Variants in SLC24A3 observed in about 807,000 individuals in gnomAD.
SLC24A3 encodes the protein solute carrier family 24 member 3.
SLC24A3 carries 28 observed loss-of-function variants against 75.8 expected under a neutral mutation model. The observed-to-expected ratio is 0.37, with a 90% confidence interval of 0.27 to 0.51. The LOEUF (loss-of-function observed/expected upper bound fraction) is 0.51, where lower values mean the gene tolerates loss of function less well. Among genes scored for constraint, SLC24A3 ranks in the 20% least tolerant of loss-of-function variants. SLC24A3 has a pLI of 0.94. For synonymous variants in SLC24A3, 372 were observed against 334.1 expected (o/e 1.11, Z -1.24); for missense variants, 663 against 847.8 (o/e 0.78, Z 2.71).
chr20:19,566,744 G>A (rs770346578), intron 3 of SLC24A3, among the ~76,000 whole-genome samples: 8 of 152,222 alleles, frequency 5.3e-5, no homozygotes, highest in Non-Finnish European at 1.0e-4. Flanking sequence ...GAGTGTGTGT[G>A]TGCTTGCCAG....
At chr20:19,388,754 C>A (rs1986316485) in intron 2 of SLC24A3, among the ~76,000 whole-genome samples, 1 of 152,228 alleles carries the variant, frequency 6.6e-6, no homozygotes, top group South Asian at 2.1e-4. Context: ...TTTTCACTTT[C>A]AGCCTATGCG....
intron 3 of SLC24A3, among the ~76,000 whole-genome samples, chr20:19,532,614 T>A (rs1031842695): frequency 6.6e-6 from 1 of 152,186 alleles, no homozygotes; most frequent in African/African-American, 2.4e-5. Context: ...TGGCAAGCAC[T>A]CCTGAGTGTC....
chr20:19,719,162 T>C lies in SLC24A3; in HGVS notation c.1785+1569T>C, dbSNP rs79610205. Among the ~76,000 whole-genome samples the C allele has an allele frequency of 4.4e-3, 672 of 151,974 alleles. 6 individuals are homozygous for C. The highest frequency in any genetic ancestry group is 0.016 in the African/African-American group (644 of 41,434). Reference sequence around the variant, plus strand: ...ATGGGAGTTAGCAATGCAAAACCATTGGTGCTAATGAGAGGGTAGTGCTGT... The same window carrying C: ...ATGGGAGTTAGCAATGCAAAACCATCGGTGCTAATGAGAGGGTAGTGCTGT... On this transcript the variant is annotated intron_variant, in intron 16 of 16. Coordinates refer to ENST00000328041, the MANE Select transcript of SLC24A3 (RefSeq NM_020689.4).
chr20:19,617,333 CCTAAA>C (rs1324197207), intron 6 of SLC24A3, among the ~76,000 whole-genome samples: 5 of 152,150 alleles, frequency 3.3e-5, no homozygotes, highest in Non-Finnish European at 5.9e-5. Flanking sequence ...ACAGCATGCC[CCTAAA>C]GCACCTCTGA....
At chr20:19,720,244 CT>C (rs1380916340) in intron 16 of SLC24A3, among the ~76,000 whole-genome samples, 2 of 152,140 alleles carry the variant, frequency 1.3e-5, no homozygotes, top group Admixed American at 6.5e-5. Context: ...AGCACATAGG[CT>C]GGTGGGTGTG....
intron 2 of SLC24A3, among the ~76,000 whole-genome samples, chr20:19,341,839 A>G (rs1985279447): frequency 6.6e-6 from 1 of 152,120 alleles, no homozygotes; most frequent in Non-Finnish European, 1.5e-5. Context: ...CAGATCTTGG[A>G]TGCCCTCTGC....
intron 6 of SLC24A3, among the ~76,000 whole-genome samples, chr20:19,628,412 C>T (rs1454731118): frequency 6.6e-6 from 1 of 151,936 alleles, no homozygotes; most frequent in Non-Finnish European, 1.5e-5. Flanking sequence ...ACATCAGAAA[C>T]CAGTTGACAG....
chr20:19,236,471 G>A (rs57991053), intron 1 of SLC24A3, among the ~76,000 whole-genome samples: 2 of 152,144 alleles, frequency 1.3e-5, no homozygotes, highest in Non-Finnish European at 2.9e-5. Flanking sequence ...AAATAAGCAG[G>A]CTTGTCATGG....
At chr20:19,271,663 G>A (rs1330218819) in intron 1 of SLC24A3, among the ~76,000 whole-genome samples, 1 of 152,208 alleles carries the variant, frequency 6.6e-6, no homozygotes, top group Non-Finnish European at 1.5e-5. Context: ...AGCCATAAAA[G>A]GAATGAAGTA....
At chr20:19,215,545 T>C (rs944642921) in intron 1 of SLC24A3, among the ~76,000 whole-genome samples, 2 of 152,088 alleles carry the variant, frequency 1.3e-5, no homozygotes, top group African/African-American at 4.8e-5. Flanking sequence ...CAGAAGCTCG[T>C]TTTCTAACAC....
At chr20:19,708,180 C>T (rs1221466447) in intron 15 of SLC24A3, among the ~76,000 whole-genome samples, 1 of 152,082 alleles carries the variant, frequency 6.6e-6, no homozygotes. Context: ...CTAAGGCCAG[C>T]GCTTTCAACC....
intron 7 of SLC24A3, among the ~76,000 whole-genome samples, chr20:19,655,511 G>C (rs934619241): frequency 1.3e-5 from 2 of 152,158 alleles, no homozygotes; most frequent in African/African-American, 4.8e-5. Context: ...ACTCGACTGG[G>C]CTAAGGTGTG....
intron 2 of SLC24A3, among the ~76,000 whole-genome samples, chr20:19,435,353 T>C (rs573203023): frequency 1.3e-5 from 2 of 152,376 alleles, no homozygotes; most frequent in South Asian, 4.1e-4. Flanking sequence ...CTTCAGTATA[T>C]GTTTTACATT....
chr20:19,398,807 T>C (rs1457286477), intron 2 of SLC24A3, among the ~76,000 whole-genome samples: 1 of 152,244 alleles, frequency 6.6e-6, no homozygotes. Flanking sequence ...TATTCTGTTT[T>C]AGTCTTCAGA....
chr20:19,282,587 C>G (rs1600410143), intron 2 of SLC24A3, among the ~76,000 whole-genome samples: 1 of 152,384 alleles, frequency 6.6e-6, no homozygotes, highest in Admixed American at 6.5e-5. Context: ...AAGAACAGAT[C>G]TGGTCCTGTA....
chr20:19,636,744 C>T (rs2032007610), intron 6 of SLC24A3, among the ~76,000 whole-genome samples: 1 of 152,092 alleles, frequency 6.6e-6, no homozygotes, highest in Non-Finnish European at 1.5e-5. Context: ...CTCATCCTGG[C>T]CACTAATCCA....
At chr20:19,540,897 A>C (rs559543874) in intron 3 of SLC24A3, among the ~76,000 whole-genome samples, 7 of 152,216 alleles carry the variant, frequency 4.6e-5, no homozygotes, top group Non-Finnish European at 7.3e-5. Flanking sequence ...TGTTTTGATA[A>C]CAATGTCACT....
In SLC24A3 at chr20:19,716,436, G is replaced by C. The variant is rs112344501; in HGVS notation, c.1720-1092G>C. ...AAAACTGTTTCTTTTTTTTTCAGTTGCATGAGACACATTTCAAATGCCCAA... is the reference window on the plus strand; with the variant it reads ...AAAACTGTTTCTTTTTTTTTCAGTTCCATGAGACACATTTCAAATGCCCAA... On this transcript the variant is annotated intron_variant, in intron 15 of 16. Coordinates refer to ENST00000328041, the MANE Select transcript of SLC24A3 (RefSeq NM_020689.4). Among the ~76,000 whole-genome samples, 644 of 149,742 alleles carry C rather than the reference G, an allele frequency of 4.3e-3. 2 individuals are homozygous for C. The highest frequency in any genetic ancestry group is 0.027 in the Middle Eastern group (8 of 294).
At chr20:19,419,051 G>C (rs539760886) in intron 2 of SLC24A3, among the ~76,000 whole-genome samples, 2 of 152,326 alleles carry the variant, frequency 1.3e-5, no homozygotes, top group Admixed American at 6.5e-5. Flanking sequence ...TAACAAGAAA[G>C]AATCAAGCAT....
Sources: allele counts gnomAD v4.1 joint callset (sites outside exome capture counted in the v4.1 genomes callset), GRCh38; gene constraint gnomAD v4.1.1; transcripts MANE v1.5; gene names NCBI Gene and HGNC (gene_info 2026-07-23, HGNC 2026-07-21).